Variants in SEC24A observed in about 807,000 individuals in gnomAD.
SEC24A encodes SEC24 homolog A, COPII component.
SEC24A carries 93 observed loss-of-function variants against 129.4 expected under a neutral mutation model. That is an observed-to-expected ratio of 0.72 (90% CI 0.61 to 0.85). The LOEUF (loss-of-function observed/expected upper bound fraction) is 0.85, where lower values mean the gene tolerates loss of function less well. Ranked by LOEUF, SEC24A falls within the 40% of genes least tolerant of loss-of-function variation. The probability of loss-of-function intolerance (pLI) is 0.00; values close to 1 mark genes in which losing one functional copy is unlikely to be tolerated. For missense variants in SEC24A, 1,264 were observed against 1,307.4 expected, an observed-to-expected ratio of 0.97 and a Z score of 0.51; for synonymous variants, 460 against 467.3, an observed-to-expected ratio of 0.98 and a Z score of 0.20.
At chr5:134,694,018 T>C in intron 13 of SEC24A, 85 bp downstream of exon 13, 1 of 1,154,536 alleles carries the variant, frequency 8.7e-7, no homozygotes, top group Non-Finnish European at 1.2e-6. Flanking sequence ...TTTAAATTTA[T>C]TTGTCAATTG....
chr5:134,686,761 T>G, intron 9 of SEC24A, 29 bp from the exon 10 acceptor site: 1 of 1,334,110 alleles, frequency 7.5e-7, no homozygotes, highest in African/African-American at 1.5e-5. Flanking sequence ...TCCTGTTAAA[T>G]GTACTTAACA....
At chr5:134,654,071 A>G (rs1750154971) in intron 1 of SEC24A, among the ~76,000 whole-genome samples, 1 of 151,694 alleles carries the variant, frequency 6.6e-6, no homozygotes, top group Non-Finnish European at 1.5e-5. Flanking sequence ...AGGTAGGAGG[A>G]TCACCTGTGT....
chr5:134,665,745 A>G (rs911627831), intron 2 of SEC24A, among the ~76,000 whole-genome samples: 1 of 151,906 alleles, frequency 6.6e-6, no homozygotes, highest in African/African-American at 2.4e-5. Context: ...TTTAGTAGAG[A>G]TGGGGTTTCA....
intron 19 of SEC24A, among the ~76,000 whole-genome samples, chr5:134,716,731 A>G (rs1282256704): frequency 6.7e-6 from 1 of 148,680 alleles, no homozygotes; most frequent in Non-Finnish European, 1.5e-5. Context: ...CCAGGAGGCA[A>G]AGGTCGCAGT....
chr5:134,704,327 C>T (rs1188043396), intron 16 of SEC24A, among the ~76,000 whole-genome samples: 2 of 152,150 alleles, frequency 1.3e-5, no homozygotes. Flanking sequence ...CTCTGCCTCC[C>T]AACGTGCTGG....
intron 1 of SEC24A, among the ~76,000 whole-genome samples, chr5:134,658,282 A>G (rs1265466625): frequency 6.6e-6 from 1 of 152,234 alleles, no homozygotes. Flanking sequence ...AAAAAAAATC[A>G]AAAGCAATAT....
chr5:134,701,780 A>T (rs1752016033), intron 15 of SEC24A, among the ~76,000 whole-genome samples: 1 of 152,144 alleles, frequency 6.6e-6, no homozygotes, highest in Non-Finnish European at 1.5e-5. Context: ...AAGTGCTGGG[A>T]TTACAGGTGT....
At chr5:134,723,518 A>G (rs541101824) in intron 21 of SEC24A, 49 bp from the exon 22 acceptor site, 1 of 1,133,460 alleles carries the variant, frequency 8.8e-7, no homozygotes, top group South Asian at 1.3e-5. Context: ...TAGACCATAC[A>G]TTAGATATGT....
At chr5:134,681,081 A>G (rs1337000391) in intron 8 of SEC24A, among the ~76,000 whole-genome samples, 2 of 151,150 alleles carry the variant, frequency 1.3e-5, no homozygotes, top group Non-Finnish European at 2.9e-5. Context: ...CCTGGGCGAC[A>G]GAGCGAGACT....
At chr5:134,654,649 C>T (rs560685539) in intron 1 of SEC24A, among the ~76,000 whole-genome samples, 1 of 152,284 alleles carries the variant, frequency 6.6e-6, no homozygotes, top group East Asian at 1.9e-4. Flanking sequence ...TAATGACTCC[C>T]ACCATTAATT....
rs140526873 is a variant in SEC24A at position 134,682,366 on chromosome 5, T to C, written c.1382-7T>C. On this transcript the variant is annotated splice_polypyrimidine_tract_variant and splice_region_variant and intron_variant, in intron 8 of 22. Coordinates refer to ENST00000398844, the MANE Select transcript of SEC24A (RefSeq NM_021982.3). ...TTTTCAATATGTGTATTGTTAACTTTATATAGTTCCTGAAGAATTCTTGTA... is the reference window on the plus strand; with the variant it reads ...TTTTCAATATGTGTATTGTTAACTTCATATAGTTCCTGAAGAATTCTTGTA... The C allele has an allele frequency of 2.7e-5, 40 of 1,484,266 alleles. No homozygotes were observed. In the African/African-American group the frequency reaches 5.1e-4, roughly 19 times the overall value. 91.9% of individuals were successfully genotyped at this position (1,484,266 alleles called of 1,614,324 possible).
intron 9 of SEC24A, among the ~76,000 whole-genome samples, chr5:134,684,132 G>T (rs541354525): frequency 6.7e-6 from 1 of 150,182 alleles, no homozygotes; most frequent in Non-Finnish European, 1.5e-5. Context: ...GTAAAACCCC[G>T]TCTCTACTAA....
chr5:134,715,243 T>C, intron 19 of SEC24A, 82 bp downstream of exon 19: 5 of 1,201,176 alleles, frequency 4.2e-6, no homozygotes, highest in Non-Finnish European at 5.9e-6. Context: ...AGGAAGGGTT[T>C]GTTTATTATT....
intron 18 of SEC24A, among the ~76,000 whole-genome samples, chr5:134,712,913 T>G (rs997756418): frequency 6.3e-5 from 9 of 143,960 alleles, no homozygotes; most frequent in African/African-American, 2.4e-4. Context: ...CCACCGTGCC[T>G]GGAAATATTT....
At chr5:134,653,736 C>T (rs1220203125) in intron 1 of SEC24A, among the ~76,000 whole-genome samples, 1 of 151,992 alleles carries the variant, frequency 6.6e-6, no homozygotes, top group African/African-American at 2.4e-5. Flanking sequence ...GGTGCGGGCC[C>T]AGTAGTCCCA....
At chr5:134,705,001 A>G (rs1456344499) in intron 16 of SEC24A, among the ~76,000 whole-genome samples, 3 of 149,948 alleles carry the variant, frequency 2.0e-5, no homozygotes, top group Non-Finnish European at 3.0e-5. Context: ...AACGTTTGAT[A>G]CTGTCTCTGC....
chr5:134,685,143 G>A (rs1378378062), intron 9 of SEC24A, among the ~76,000 whole-genome samples: 1 of 151,994 alleles, frequency 6.6e-6, no homozygotes, highest in Admixed American at 6.6e-5. Flanking sequence ...GCCGATGCAG[G>A]AGGATTGCTT....
chr5:134,685,859 C>T (rs780594615), intron 9 of SEC24A, among the ~76,000 whole-genome samples: 1 of 151,838 alleles, frequency 6.6e-6, no homozygotes, highest in Admixed American at 6.6e-5. Flanking sequence ...CGTGGTGGCG[C>T]GTGCCTGTAA....
At chr5:134,723,743 C>CAA in intron 22 of SEC24A, 73 bp downstream of exon 22, 1 of 747,668 alleles carries the variant, frequency 1.3e-6, no homozygotes, top group Non-Finnish European at 2.2e-6. Context: ...AAGAGTATAG[C>CAA]AAAAAAAAAG....
Sources: allele counts gnomAD v4.1 joint callset (sites outside exome capture counted in the v4.1 genomes callset), GRCh38; gene constraint gnomAD v4.1.1; transcripts MANE v1.5; gene names NCBI Gene and HGNC (gene_info 2026-07-23, HGNC 2026-07-21).